MLLT3: variants seen among roughly 807,000 people sequenced by gnomAD.
MLLT3 encodes the protein protein AF-9.
A neutral mutation model predicts 53.2 loss-of-function variants in MLLT3; 4 were observed. The observed-to-expected ratio is 0.08, with a 90% CI of 0.04 to 0.17. The LOEUF is 0.17. Among genes scored for constraint, MLLT3 ranks in the 10% least tolerant of loss-of-function variants. MLLT3 has a pLI of 1.00. For synonymous variants in MLLT3, 283 were observed against 230.6 expected (o/e 1.23, Z -2.06); for missense variants, 569 against 684.0 (o/e 0.83, Z 1.87).
chr9:20,573,469 T>C (rs995796033), intron 2 of MLLT3, among the ~76,000 whole-genome samples: 2 of 152,076 alleles, frequency 1.3e-5, no homozygotes, highest in African/African-American at 2.4e-5. Context: ...CATGAACCAC[T>C]GTGGCCAGCC....
intron 2 of MLLT3, among the ~76,000 whole-genome samples, chr9:20,496,021 A>G (rs1825071719): frequency 6.6e-6 from 1 of 152,186 alleles, no homozygotes. Flanking sequence ...AATTTGCAGA[A>G]CTTTCCATAG....
At chr9:20,601,759 G>C (rs1439805164) in intron 2 of MLLT3, among the ~76,000 whole-genome samples, 2 of 152,036 alleles carry the variant, frequency 1.3e-5, no homozygotes, top group East Asian at 3.8e-4. Context: ...TGCATTTACA[G>C]CTTAGTTCCT....
At chr9:20,483,944 C>G (rs1824738625) in intron 2 of MLLT3, among the ~76,000 whole-genome samples, 1 of 151,824 alleles carries the variant, frequency 6.6e-6, no homozygotes, top group Non-Finnish European at 1.5e-5. Flanking sequence ...ATCTCCTGAC[C>G]TCATGATCCG....
intron 5 of MLLT3, among the ~76,000 whole-genome samples, chr9:20,372,066 C>A (rs1282402379): frequency 6.6e-6 from 1 of 152,094 alleles, no homozygotes; most frequent in African/African-American, 2.4e-5. Context: ...AGCAAGATAA[C>A]TAGAATTAGA....
intron 2 of MLLT3, among the ~76,000 whole-genome samples, chr9:20,497,132 C>A (rs1182371831): frequency 6.6e-6 from 1 of 152,224 alleles, no homozygotes; most frequent in African/African-American, 2.4e-5. Flanking sequence ...TAAAGACATG[C>A]TGTAGTATCC....
At chr9:20,611,709 C>T (rs1820706603) in intron 2 of MLLT3, among the ~76,000 whole-genome samples, 3 of 152,060 alleles carry the variant, frequency 2.0e-5, no homozygotes, top group African/African-American at 7.2e-5. Flanking sequence ...CTGCTACATA[C>T]CAACTAAATC....
chr9:20,372,653 C>A (rs573753578), intron 5 of MLLT3, among the ~76,000 whole-genome samples: 1 of 151,016 alleles, frequency 6.6e-6, no homozygotes, highest in East Asian at 2.0e-4. Flanking sequence ...CGTGATCCAC[C>A]CGCCTTGGCC....
intron 2 of MLLT3, among the ~76,000 whole-genome samples, chr9:20,482,163 G>A (rs1824678639): frequency 1.3e-5 from 2 of 152,138 alleles, no homozygotes; most frequent in Non-Finnish European, 2.9e-5. Flanking sequence ...AATTATAGGA[G>A]GCCATAGTTT....
chr9:20,457,389 A>G (rs1221659316), intron 2 of MLLT3, among the ~76,000 whole-genome samples: 4 of 151,676 alleles, frequency 2.6e-5, no homozygotes, highest in Admixed American at 1.3e-4. Flanking sequence ...AGCTGGGATT[A>G]CAGGCATGCG....
chr9:20,590,781 G>C (rs1820108007), intron 2 of MLLT3, among the ~76,000 whole-genome samples: 1 of 152,064 alleles, frequency 6.6e-6, no homozygotes, highest in Admixed American at 6.6e-5. Flanking sequence ...TGTTATCCAG[G>C]CTTGAGTGCA....
chr9:20,443,714 T>G (rs1250715068), intron 4 of MLLT3, among the ~76,000 whole-genome samples: 1 of 152,196 alleles, frequency 6.6e-6, no homozygotes, highest in African/African-American at 2.4e-5. Context: ...TAAAGATGGT[T>G]AAGCATCTGC....
intron 10 of MLLT3, among the ~76,000 whole-genome samples, chr9:20,348,225 C>A (rs922949405): frequency 4.6e-5 from 7 of 152,204 alleles, no homozygotes; most frequent in Middle Eastern, 3.4e-3. Context: ...CGATTTATTC[C>A]TTAATTTTTT....
Position 20,448,140 on chromosome 9 carries a change from A to G in MLLT3, c.403T>C (p.Leu135=). ...NNPTEDFRRK[L]LKAGGDPNRS... is the part of the protein sequence containing the mutation. ...CCACTTACCCCTCCTGCCTTCAGCA[A>G]CTTTCTCCTAAAGTCCTCTGTGGGG... Residue 135 remains leucine (L), a synonymous_variant, in exon 4 of 11, where the codon TTG becomes CTG. Transcript: ENST00000380338. This position sits in a 1 kb window ranked among gnomAD's most constrained non-coding sequence, Gnocchi z 4.0. 1 of 1,613,302 alleles carries G rather than the reference A, an allele frequency of 6.2e-7. No homozygotes were observed. Among genetic ancestry groups the G allele is most frequent in the African/African-American group, 1.3e-5 (1 of 74,946 alleles).
chr9:20,436,036 T>C (rs1033382315), intron 4 of MLLT3, among the ~76,000 whole-genome samples: 1 of 152,116 alleles, frequency 6.6e-6, no homozygotes, highest in Non-Finnish European at 1.5e-5. Context: ...TTTCCTACCC[T>C]GAGCGGAAAA....
chr9:20,486,537 C>T (rs1472645249), intron 2 of MLLT3, among the ~76,000 whole-genome samples: 1 of 152,128 alleles, frequency 6.6e-6, no homozygotes, highest in African/African-American at 2.4e-5. Context: ...ACTGGCAAAC[C>T]TCCAGAAAAA....
intron 2 of MLLT3, among the ~76,000 whole-genome samples, chr9:20,510,924 G>A (rs913460119): frequency 6.6e-6 from 1 of 152,132 alleles, no homozygotes; most frequent in African/African-American, 2.4e-5. Flanking sequence ...AAATGTGGTT[G>A]CCATCAATAC....
intron 2 of MLLT3, among the ~76,000 whole-genome samples, chr9:20,511,921 G>A (rs1817760425): frequency 6.6e-6 from 1 of 152,090 alleles, no homozygotes; most frequent in African/African-American, 2.4e-5. Flanking sequence ...GTGGAGCAGA[G>A]AGCAGCCTCA....
At chr9:20,449,812 T>A (rs965220744) in intron 3 of MLLT3, among the ~76,000 whole-genome samples, 1 of 152,202 alleles carries the variant, frequency 6.6e-6, no homozygotes, top group East Asian at 1.9e-4. Context: ...GTTTTCCTCA[T>A]AGTTTACTGG....
At chr9:20,362,302 C>T (rs1337971355) in intron 7 of MLLT3, among the ~76,000 whole-genome samples, 3 of 152,190 alleles carry the variant, frequency 2.0e-5, no homozygotes, top group Non-Finnish European at 4.4e-5. Context: ...TCCAGATATT[C>T]TAAATAACAA....
Sources: allele counts gnomAD v4.1 joint callset (sites outside exome capture counted in the v4.1 genomes callset), GRCh38; gene constraint gnomAD v4.1.1; non-coding constraint Gnocchi (gnomAD v3.1); transcripts MANE v1.5; gene names NCBI Gene and HGNC (gene_info 2026-07-23, HGNC 2026-07-21).